CLPTM1L: variants seen among roughly 807,000 people sequenced by gnomAD.
The protein encoded by CLPTM1L is lipid scramblase CLPTM1L.
A neutral mutation model predicts 70.9 loss-of-function variants in CLPTM1L; 38 were observed. That is an observed-to-expected ratio of 0.54 (90% CI 0.41 to 0.70). CLPTM1L has a LOEUF of 0.70. Ranked by LOEUF, CLPTM1L falls within the 30% of genes least tolerant of loss-of-function variation. The pLI is 0.00. For synonymous variants in CLPTM1L, 339 were observed against 299.9 expected, an observed-to-expected ratio of 1.13 and a Z score of -1.35; for missense variants, 652 against 705.9, an observed-to-expected ratio of 0.92 and a Z score of 0.87.
At chr5:1,329,875 A>AGGACTCTCTGCTTGGTGGACAGG (rs1752967377) in intron 9 of CLPTM1L, among the ~76,000 whole-genome samples, 2 of 67,064 alleles carry the variant, frequency 3.0e-5, no homozygotes, top group Admixed American at 1.6e-4. Flanking sequence ...TGGTGGACAG[A>AGGACTCTCTGCTTGGTGGACAGG]GCCTCAGGAC....
intron 5 of CLPTM1L, among the ~76,000 whole-genome samples, chr5:1,336,940 G>A (rs1468943664): frequency 6.6e-6 from 1 of 152,178 alleles, no homozygotes; most frequent in Non-Finnish European, 1.5e-5. Context: ...CCGTTTCCCA[G>A]CTGCACCCCC....
intron 10 of CLPTM1L, chr5:1,325,424 A>G (rs1444287586): frequency 1.7e-5 from 7 of 401,618 alleles, no homozygotes; most frequent in Admixed American, 1.5e-4. Context: ...GACCCCAGTC[A>G]GCACCAGCCT....
chr5:1,322,299 C>T (rs1282952458), intron 13 of CLPTM1L, among the ~76,000 whole-genome samples: 2 of 152,176 alleles, frequency 1.3e-5, no homozygotes, highest in African/African-American at 4.8e-5. Flanking sequence ...TCTGGTGGGG[C>T]TGGGGGATGG....
chr5:1,338,988 C>T lies in CLPTM1L; in HGVS notation c.471G>A (p.Lys157=). ...ESDTQQIEAE[K]KPTSALDEPV... ...GCTCATCCAGGGCACTCGTCGGCTT[C>T]TTCTCCGCCTCGATCTGCTGTTAAG... Residue 157 remains lysine, a synonymous_variant, in exon 4 of 17, where the codon AAG becomes AAA. Coordinates refer to ENST00000320895, the MANE Select transcript of CLPTM1L (RefSeq NM_030782.5). The T allele has an allele frequency of 6.2e-7, 1 of 1,613,158 alleles. No individual in the cohort carries two copies. The highest frequency in any genetic ancestry group is 2.2e-5 in the East Asian group (1 of 44,892).
At chr5:1,324,610 G>C (rs879077679) in intron 11 of CLPTM1L, among the ~76,000 whole-genome samples, 153 bp downstream of exon 11, 9 of 152,214 alleles carry the variant, frequency 5.9e-5, no homozygotes, top group African/African-American at 2.2e-4. Context: ...AAGAAATTTG[G>C]GTTTTATGTG....
chr5:1,339,224 G>A (rs1180595047), intron 3 of CLPTM1L, among the ~76,000 whole-genome samples: 2 of 140,028 alleles, frequency 1.4e-5, no homozygotes, highest in Non-Finnish European at 3.1e-5. Flanking sequence ...GAAGAGAACG[G>A]CCACACAGAC....
At chr5:1,338,799 T>A in intron 4 of CLPTM1L, 61 bp downstream of exon 4, 3 of 1,601,346 alleles carry the variant, frequency 1.9e-6, no homozygotes, top group Non-Finnish European at 2.6e-6. Context: ...GCTGGCGAGT[T>A]CTGGCCAGCC....
chr5:1,338,347 C>T (rs1319597603), intron 4 of CLPTM1L: 1 of 318,456 alleles, frequency 3.1e-6, no homozygotes. Flanking sequence ...GATGTGGCCA[C>T]TACACTTGGA....
In CLPTM1L at chr5:1,329,700, G is replaced by GA. The variant is rs1561238908; in HGVS notation, c.1080+579_1080+580insT. 4.1e-4 allele frequency among the ~76,000 whole-genome samples: 41 copies of GA among 99,962 alleles called. 1 individual carries two copies. The highest frequency in any genetic ancestry group is 6.8e-4 in the Non-Finnish European group (31 of 45,672). 65.6% of individuals were successfully genotyped at this position (99,962 alleles called of 152,430 possible). On this transcript the variant is annotated intron_variant, in intron 9 of 16. Transcript: ENST00000320895. ...CTCAGGACTCTCTGCCTGGTGGACA[G>GA]GGCCTCAGGACTCTCTGCTTGGTGG...
intron 7 of CLPTM1L, chr5:1,332,367 T>A (rs971328438): frequency 1.9e-5 from 3 of 155,512 alleles, no homozygotes; most frequent in African/African-American, 7.2e-5. Context: ...CTGAGACCTG[T>A]CTCCAAAAAA....
intron 16 of CLPTM1L, among the ~76,000 whole-genome samples, chr5:1,319,243 C>T (rs557456157): frequency 9.7e-4 from 147 of 151,280 alleles, no homozygotes; most frequent in Non-Finnish European, 1.7e-3. Context: ...GAATGGTGAA[C>T]GGGGGACAGG....
At chr5:1,326,009 G>A in intron 9 of CLPTM1L, 193 bp from the exon 10 acceptor site, 1 of 576,370 alleles carries the variant, frequency 1.7e-6, no homozygotes, top group Non-Finnish European at 3.1e-6. Flanking sequence ...CACACGGCAG[G>A]CGTACCTGGT....
chr5:1,328,927 C>G (rs1275038819), intron 9 of CLPTM1L, among the ~76,000 whole-genome samples: 2 of 148,804 alleles, frequency 1.3e-5, no homozygotes, highest in Non-Finnish European at 2.9e-5. Flanking sequence ...TCCAGCTCCT[C>G]CTCTACAGGG....
intron 9 of CLPTM1L, among the ~76,000 whole-genome samples, chr5:1,329,395 C>CT (rs1345420902): frequency 6.6e-6 from 1 of 152,238 alleles, no homozygotes; most frequent in Admixed American, 6.5e-5. Context: ...TGAAAACACT[C>CT]TGTTTGGTGG....
chr5:1,326,115 C>A (rs1040840266), intron 9 of CLPTM1L: 19 of 399,972 alleles, frequency 4.8e-5, no homozygotes, highest in African/African-American at 2.8e-4. Context: ...TAAGCCCCCA[C>A]CTACTTCTGC....
At chr5:1,323,950 C>T in intron 11 of CLPTM1L, 81 bp from the exon 12 acceptor site, 1 of 1,083,174 alleles carries the variant, frequency 9.2e-7, no homozygotes, top group Non-Finnish European at 1.4e-6. Context: ...CTCACCCCGA[C>T]AGGGACAGAC....
In CLPTM1L at chr5:1,321,683, A is replaced by C. The variant is rs761192702; in HGVS notation, c.1372-4T>G. ...GCAGATGTGCCACTGACTTCAACTGAAACAGGAGAGACAGGCCCAGGTCAG... is the reference window on the plus strand; with the variant it reads ...GCAGATGTGCCACTGACTTCAACTGCAACAGGAGAGACAGGCCCAGGTCAG... On this transcript the variant is annotated splice_region_variant and splice_polypyrimidine_tract_variant and intron_variant, in intron 14 of 16. Transcript: ENST00000320895. The C allele has an allele frequency of 6.2e-6, 10 of 1,614,028 alleles. No homozygotes were observed. The Admixed American group carries it at 1.7e-4, about 27-fold the overall frequency.
At chr5:1,323,899 G>C in intron 11 of CLPTM1L, 30 bp from the exon 12 acceptor site, 2 of 1,556,292 alleles carry the variant, frequency 1.3e-6, no homozygotes, top group Non-Finnish European at 1.8e-6. Context: ...CTTCCAGTTA[G>C]AGGCCCAAAC....
At chr5:1,336,884 G>A (rs907099345) in intron 5 of CLPTM1L, among the ~76,000 whole-genome samples, 3 of 152,210 alleles carry the variant, frequency 2.0e-5, no homozygotes, top group Admixed American at 1.3e-4. Context: ...TCAGGAGGAG[G>A]CAGCAGGGCC....
Sources: allele counts gnomAD v4.1 joint callset (sites outside exome capture counted in the v4.1 genomes callset), GRCh38; gene constraint gnomAD v4.1.1; transcripts MANE v1.5; gene names NCBI Gene and HGNC (gene_info 2026-07-23, HGNC 2026-07-21).